Variants in FAM120B observed in about 807,000 individuals in gnomAD.
FAM120B encodes the protein family with sequence similarity 120 member B, also known as constitutive coactivator of peroxisome proliferator-activated receptor gamma.
A neutral mutation model predicts 96.3 loss-of-function variants in FAM120B; 83 were observed. The ratio of observed to expected loss-of-function variants is 0.86; its 90% CI spans 0.72 to 1.03. FAM120B has a LOEUF of 1.03. FAM120B is among the 50% of genes least tolerant of loss of function. The pLI, the probability that FAM120B is intolerant of heterozygous loss-of-function variation, is 0.00. For synonymous variants in FAM120B, 407 were observed against 402.7 expected (o/e 1.01, Z -0.13); for missense variants, 1,027 against 1,121.2 (o/e 0.92, Z 1.20).
At chr6:170,316,058 CAAAAAA>C (rs35344814) in intron 1 of FAM120B, among the ~76,000 whole-genome samples, 11 of 91,834 alleles carry the variant, frequency 1.2e-4, no homozygotes, top group South Asian at 4.1e-4. Flanking sequence ...GACCCGGTCT[CAAAAAA>C]AAAAAAAAAA....
At chr6:170,361,214 ATATATATATATATATATATATACACG>A (rs1788384492) in intron 6 of FAM120B, among the ~76,000 whole-genome samples, 1 of 100,094 alleles carries the variant, frequency 1.0e-5, no homozygotes, top group Non-Finnish European at 1.9e-5. Context: ...ATATATATAT[ATATATATATATATATATATATACACG>A]TATATATATA....
intron 4 of FAM120B, among the ~76,000 whole-genome samples, chr6:170,338,707 T>A (rs373713977): frequency 6.6e-6 from 1 of 152,208 alleles, no homozygotes; most frequent in African/African-American, 2.4e-5. Flanking sequence ...GGTGATCCTG[T>A]ATTGGGTGCA....
chr6:170,343,013 A>T (rs1482294162), intron 4 of FAM120B, among the ~76,000 whole-genome samples: 1 of 152,246 alleles, frequency 6.6e-6, no homozygotes, highest in South Asian at 2.1e-4. Context: ...TGATGCAAGT[A>T]CATTTCCTTT....
intron 2 of FAM120B, among the ~76,000 whole-genome samples, chr6:170,319,841 C>T (rs1025288932): frequency 1.3e-5 from 2 of 152,068 alleles, no homozygotes; most frequent in African/African-American, 2.4e-5. Context: ...CAGGCTAGAG[C>T]GTGGGGTTTG....
At position 170,406,211 on chromosome 6, in the gene FAM120B, G is replaced by A. The variant is rs993662899; in HGVS notation, c.*1460G>A. On this transcript the variant is annotated 3_prime_UTR_variant, in exon 11 of 11. Coordinates refer to ENST00000476287, the MANE Select transcript of FAM120B (RefSeq NM_032448.3). ...TGGGCAGCCGTCTTCCAGAAACCTC[G>A]AACTTATGTCTGTCTCCACCTGAGA... 2.6e-5 allele frequency: 4 copies of A among 152,182 alleles called. No homozygotes were observed. Among genetic ancestry groups the A allele is most frequent in the Non-Finnish European group, 5.9e-5 (4 of 68,052 alleles). The allele number at this position is 152,182 out of a possible 1,614,324, so 9.4% of individuals were successfully genotyped here.
At chr6:170,400,757 A>G (rs990711421) in intron 9 of FAM120B, among the ~76,000 whole-genome samples, 1 of 152,218 alleles carries the variant, frequency 6.6e-6, no homozygotes, top group Non-Finnish European at 1.5e-5. Flanking sequence ...AAAATAAAGC[A>G]ATGTCCGTCC....
chr6:170,405,049 T>C lies in FAM120B; in HGVS notation c.*298T>C, dbSNP rs1778758437. The C allele has an allele frequency of 6.3e-6, 1 of 159,436 alleles. No individual in the cohort carries two copies. The highest frequency in any genetic ancestry group is 1.4e-5 in the Non-Finnish European group (1 of 72,890). 9.9% of individuals were successfully genotyped at this position (159,436 alleles called of 1,614,324 possible). On this transcript the variant is annotated 3_prime_UTR_variant, in exon 11 of 11. Coordinates refer to ENST00000476287, the MANE Select transcript of FAM120B (RefSeq NM_032448.3). ...TCATATATATGATGCCTAGCTAATT[T>C]CATTTTAAAATAAATGGGAATCTGT...
intron 7 of FAM120B, among the ~76,000 whole-genome samples, chr6:170,389,804 G>A (rs193231311): frequency 6.6e-5 from 10 of 152,104 alleles, no homozygotes; most frequent in East Asian, 3.9e-4. Flanking sequence ...AAAGTGATCC[G>A]TCTGCCTCAG....
chr6:170,310,273 T>G (rs9459989), intron 1 of FAM120B, among the ~76,000 whole-genome samples: 21,328 of 152,220 alleles, frequency 0.14, 1,889 homozygotes, highest in African/African-American at 0.24. Context: ...ACCAGAGTTC[T>G]GGGTTGCTGG....
rs1468625756 is a variant in FAM120B, at chr6:170,339,171, G to A, written c.2017+8621G>A. Among the ~76,000 whole-genome samples, 7 of 152,032 alleles carry A rather than the reference G, an allele frequency of 4.6e-5. No individual in the cohort carries two copies. The East Asian group carries it at 1.4e-3, about 29-fold the overall frequency. ...TACCAGTTTTTTCTTTCCTTATTTA[G>A]TGCTTCCTTCAGGAGCTCTTGTAAG... On this transcript the variant is annotated intron_variant, in intron 4 of 10. Transcript: ENST00000476287.
At chr6:170,385,820 A>G (rs985480448) in intron 6 of FAM120B, among the ~76,000 whole-genome samples, 3 of 152,246 alleles carry the variant, frequency 2.0e-5, no homozygotes, top group Non-Finnish European at 2.9e-5. Context: ...CTATCAAGCT[A>G]TGAAAAGACA....
chr6:170,404,296 T>C (rs1778722020), intron 9 of FAM120B: 1 of 439,910 alleles, frequency 2.3e-6, no homozygotes. Flanking sequence ...CGCAGATGGA[T>C]GGAGCTGGTG....
At chr6:170,303,598 G>A (rs1004620054), upstream of FAM120B, among the ~76,000 whole-genome samples, 3 of 152,122 alleles carry the variant, frequency 2.0e-5, no homozygotes, top group African/African-American at 4.8e-5. Flanking sequence ...CTTTTCAATT[G>A]TGCGTATAGT....
chr6:170,395,544 C>T lies in FAM120B; in HGVS notation c.2657C>T (p.Ser886Phe), dbSNP rs555515873. Residue 886 changes from serine to phenylalanine, a missense_variant, in exon 9 of 11, where the codon TCC becomes TTC. Ser to Phe is a radical substitution (Grantham distance 155, BLOSUM62 -2). Coordinates refer to ENST00000476287, the MANE Select transcript of FAM120B (RefSeq NM_032448.3). ...AGGACGGGCTCTGGGTATAGCCGTTCCAGTCAGGGACAGCCGTGGAGAGAC... is the reference window on the plus strand; with the variant it reads ...AGGACGGGCTCTGGGTATAGCCGTTTCAGTCAGGGACAGCCGTGGAGAGAC... ...YHRTGSGYSRSSQGQPWRDQG... is the reference protein window; with the variant it reads ...YHRTGSGYSRFSQGQPWRDQG... 2.5e-6 allele frequency: 4 copies of T among 1,600,002 alleles called. No homozygotes were observed. The African/African-American group carries it at 5.4e-5, about 21-fold the overall frequency.
chr6:170,361,764 A>G (rs1788476508), intron 6 of FAM120B, among the ~76,000 whole-genome samples: 2 of 152,190 alleles, frequency 1.3e-5, no homozygotes, highest in South Asian at 2.1e-4. Context: ...ACACATACGT[A>G]TAGATGTATG....
chr6:170,384,205 C>G (rs1279791719), intron 6 of FAM120B, among the ~76,000 whole-genome samples: 2 of 152,076 alleles, frequency 1.3e-5, no homozygotes, highest in African/African-American at 4.8e-5. Flanking sequence ...CACAAACCCA[C>G]CAGGTTTTGA....
At chr6:170,371,742 A>G (rs1281121649) in intron 6 of FAM120B, among the ~76,000 whole-genome samples, 1 of 152,216 alleles carries the variant, frequency 6.6e-6, no homozygotes, top group African/African-American at 2.4e-5. Context: ...GTGAGTCTTC[A>G]GGAGTCAGGC....
Position 170,378,094 on chromosome 6 carries a change from G to T in FAM120B, c.2284-10193G>T, listed in dbSNP as rs1227645638. 2.0e-5 allele frequency among the ~76,000 whole-genome samples: 3 copies of T among 152,310 alleles called. No homozygotes were observed. In the East Asian group the frequency reaches 5.8e-4, roughly 29 times the overall value. ...GGTTTAGAGTTTATATTTAATACCT[G>T]ATAGAGTTGCCATAAAATGCTCATT... is the stretch of plus-strand genomic sequence containing the variant. On this transcript the variant is annotated intron_variant, in intron 6 of 10. Transcript: ENST00000476287.
upstream of FAM120B, among the ~76,000 whole-genome samples, chr6:170,301,991 AC>A (rs1402878190): frequency 6.6e-6 from 1 of 152,128 alleles, no homozygotes; most frequent in African/African-American, 2.4e-5. Flanking sequence ...TCTGCCTGTT[AC>A]CCCATTCCAA....
Sources: gnomAD v4.1 joint callset for allele counts (sites outside exome capture counted in the v4.1 genomes callset) on GRCh38, gnomAD v4.1.1 for gene constraint, MANE v1.5 for transcripts, NCBI Gene and HGNC (gene_info 2026-07-23, HGNC 2026-07-21) for gene names.